Variants in ARHGAP31 observed in about 807,000 individuals in gnomAD.
The protein encoded by ARHGAP31 is Rho GTPase activating protein 31.
Under a neutral mutation model 113.9 loss-of-function variants are expected in ARHGAP31, and 34 were observed. The ratio of observed to expected loss-of-function variants is 0.30; its 90% CI spans 0.23 to 0.40. ARHGAP31 has a LOEUF of 0.40. Among genes scored for constraint, ARHGAP31 ranks in the 10% least tolerant of loss-of-function variants. The probability of loss-of-function intolerance (pLI) is 1.00; values close to 1 mark genes in which losing one functional copy is unlikely to be tolerated. For synonymous variants in ARHGAP31, 650 were observed against 684.8 expected (o/e 0.95, Z 0.79); for missense variants, 1,548 against 1,767.1 (o/e 0.88, Z 2.22).
At chr3:119,295,048 G>C in intron 1 of ARHGAP31, 44 bp downstream of exon 1, 1 of 1,568,314 alleles carries the variant, frequency 6.4e-7, no homozygotes, top group Non-Finnish European at 8.8e-7. Flanking sequence ...CCTTCTTTTT[G>C]TTTGAGGGAG....
intron 3 of ARHGAP31, among the ~76,000 whole-genome samples, chr3:119,370,987 T>C (rs1390551391): frequency 6.6e-6 from 1 of 152,206 alleles, no homozygotes; most frequent in Non-Finnish European, 1.5e-5. Context: ...ACCCTGGGTA[T>C]TTCCAATTGG....
At chr3:119,330,575 A>G (rs2079883815) in intron 1 of ARHGAP31, among the ~76,000 whole-genome samples, 1 of 152,094 alleles carries the variant, frequency 6.6e-6, no homozygotes, top group Admixed American at 6.5e-5. Flanking sequence ...GGAACCATAA[A>G]CCTGGATTTA....
intron 6 of ARHGAP31, among the ~76,000 whole-genome samples, chr3:119,387,105 A>G (rs1441526315): frequency 6.9e-6 from 1 of 144,200 alleles, no homozygotes; most frequent in Non-Finnish European, 1.5e-5. Flanking sequence ...CCCCGGGGAA[A>G]GGGAGACCCC....
At chr3:119,304,160 T>A (rs2079610305) in intron 1 of ARHGAP31, among the ~76,000 whole-genome samples, 1 of 152,128 alleles carries the variant, frequency 6.6e-6, no homozygotes, top group African/African-American at 2.4e-5. Context: ...AAGTATGTAA[T>A]GGGATTCTAA....
chr3:119,419,778 G>T lies in ARHGAP31; in HGVS notation c.*3514G>T, dbSNP rs1461701601. On this transcript the variant is annotated 3_prime_UTR_variant, in exon 12 of 12. Coordinates refer to ENST00000264245, the MANE Select transcript of ARHGAP31 (RefSeq NM_020754.4). Reference sequence around the variant, plus strand: ...ATAGAACATCCCAGTGAGACACTCGGGTATTTGAGAACTTTGCTTGATTTA... The same window carrying T: ...ATAGAACATCCCAGTGAGACACTCGTGTATTTGAGAACTTTGCTTGATTTA... The T allele has an allele frequency of 6.6e-6, 1 of 152,166 alleles. No individual in the cohort carries two copies. Among genetic ancestry groups the T allele is most frequent in the African/African-American group, 2.4e-5 (1 of 41,454 alleles). The allele number at this position is 152,166 out of a possible 1,614,324, so 9.4% of individuals were successfully genotyped here.
intron 9 of ARHGAP31, among the ~76,000 whole-genome samples, chr3:119,401,565 C>T (rs1419702360): frequency 6.6e-6 from 1 of 152,154 alleles, no homozygotes; most frequent in African/African-American, 2.4e-5. Flanking sequence ...ACTGCTCTAC[C>T]TGCAAAGTTT....
At chr3:119,380,309 A>T (rs562526921) in intron 3 of ARHGAP31, among the ~76,000 whole-genome samples, 1 of 152,258 alleles carries the variant, frequency 6.6e-6, no homozygotes, top group African/African-American at 2.4e-5. Context: ...ACCCAGAAAG[A>T]CAGCTGGCTG....
At chr3:119,363,932 A>G (rs1319033965) in intron 1 of ARHGAP31, among the ~76,000 whole-genome samples, 1 of 152,094 alleles carries the variant, frequency 6.6e-6, no homozygotes, top group Non-Finnish European at 1.5e-5. Flanking sequence ...AGGTTGTTCT[A>G]TCCCAAACCA....
In ARHGAP31 at chr3:119,295,283, T is replaced by A. The variant is rs183975411; in HGVS notation, c.100+279T>A. Among the ~76,000 whole-genome samples the A allele has an allele frequency of 9.5e-4, 145 of 151,858 alleles. 1 individual carries two copies. Among genetic ancestry groups the A allele is most frequent in the Admixed American group, 2.5e-3 (38 of 15,246 alleles). The stretch of plus-strand genomic sequence containing the variant: ...ACTGCCGCAAGTTTACCGGGCCACC[T>A]CAGGGGATGGGGGTGGAAGCTGCAG... On this transcript the variant is annotated intron_variant, in intron 1 of 11. Transcript: ENST00000264245.
At chr3:119,386,019 T>C (rs947944674) in intron 6 of ARHGAP31, among the ~76,000 whole-genome samples, 4 of 152,256 alleles carry the variant, frequency 2.6e-5, no homozygotes, top group African/African-American at 7.2e-5. Context: ...CATCTTTTTG[T>C]CCTGCATATT....
intron 1 of ARHGAP31, among the ~76,000 whole-genome samples, chr3:119,296,749 A>T (rs1441547574): frequency 6.6e-6 from 1 of 151,716 alleles, no homozygotes; most frequent in Non-Finnish European, 1.5e-5. Flanking sequence ...TGTTTCATTT[A>T]GACAAAAAAA....
chr3:119,333,325 G>C (rs997738231), intron 1 of ARHGAP31, among the ~76,000 whole-genome samples: 2 of 152,152 alleles, frequency 1.3e-5, no homozygotes, highest in African/African-American at 4.8e-5. Flanking sequence ...TTTTCTAACT[G>C]TTGTACATTT....
chr3:119,395,435 C>G (rs1228205681), intron 8 of ARHGAP31, among the ~76,000 whole-genome samples: 2 of 152,204 alleles, frequency 1.3e-5, no homozygotes. Context: ...CATGTTTTCC[C>G]CAGCTGTCCC....
chr3:119,332,480 G>A (rs569505578), intron 1 of ARHGAP31, among the ~76,000 whole-genome samples: 2 of 152,038 alleles, frequency 1.3e-5, no homozygotes, highest in Non-Finnish European at 1.5e-5. Flanking sequence ...GATTACATAG[G>A]CAAGAGCCAC....
chr3:119,414,568 A>G lies in ARHGAP31; in HGVS notation c.2639A>G (p.His880Arg), dbSNP rs2080754420. Residue 880 changes from histidine (H) to arginine (R), a missense_variant, in exon 12 of 12, where the codon CAT becomes CGT. His to Arg is a conservative substitution (Grantham distance 29, BLOSUM62 0). Transcript: ENST00000264245. ...TCACAAGAAGAGGAGGATGTAACCC[A>G]TTCAGTACAGGAGCCTTCAGACTGT... is the stretch of plus-strand genomic sequence containing the variant. Reference protein sequence around the residue: ...IVSQEEEDVTHSVQEPSDCDE... With the variant: ...IVSQEEEDVTRSVQEPSDCDE... 1 of 1,614,102 alleles carries G rather than the reference A, an allele frequency of 6.2e-7. No homozygotes were observed. Among genetic ancestry groups the G allele is most frequent in the Admixed American group, 1.7e-5 (1 of 60,008 alleles).
chr3:119,402,165 C>T lies in ARHGAP31; in HGVS notation c.1413C>T (p.Phe471=), dbSNP rs372344449. 1.7e-5 allele frequency: 27 copies of T among 1,614,170 alleles called. No homozygotes were observed. Among genetic ancestry groups the T allele is most frequent in the Non-Finnish European group, 2.1e-5 (25 of 1,180,058 alleles). ...PSKSVFTSSL[F]QMEPSPRNQR... Reference sequence around the variant, plus strand: ...AATCCGTCTTCACCAGCAGCCTCTTCCAGATGGAGCCCTCGCCGCGTAACC... The same window carrying T: ...AATCCGTCTTCACCAGCAGCCTCTTTCAGATGGAGCCCTCGCCGCGTAACC... The change falls in exon 10 of 12, where the codon TTC becomes TTT. Residue 471 remains phenylalanine (F), a synonymous_variant. Coordinates refer to ENST00000264245, the MANE Select transcript of ARHGAP31 (RefSeq NM_020754.4).
intron 1 of ARHGAP31, among the ~76,000 whole-genome samples, chr3:119,297,065 C>G (rs1410820213): frequency 6.6e-6 from 1 of 152,188 alleles, no homozygotes; most frequent in Admixed American, 6.5e-5. Context: ...GGAAACGCAA[C>G]TGACCCACTT....
At chr3:119,391,589 A>ACCCCC (rs368549202) in intron 7 of ARHGAP31, among the ~76,000 whole-genome samples, 5 of 103,752 alleles carry the variant, frequency 4.8e-5, no homozygotes, top group African/African-American at 7.0e-5. Flanking sequence ...CTGGGTCTCT[A>ACCCCC]CCCCCCCCTC....
intron 1 of ARHGAP31, among the ~76,000 whole-genome samples, chr3:119,327,306 G>T (rs1384688829): frequency 6.6e-6 from 1 of 152,174 alleles, no homozygotes; most frequent in East Asian, 1.9e-4. Flanking sequence ...ACTCTGGGAG[G>T]TTGAGGTGGG....
Sources: gnomAD v4.1 joint callset for allele counts (sites outside exome capture counted in the v4.1 genomes callset) on GRCh38, gnomAD v4.1.1 for gene constraint, MANE v1.5 for transcripts, NCBI Gene and HGNC (gene_info 2026-07-23, HGNC 2026-07-21) for gene names.